The following ANK1 variants were observed in gnomAD, a reference collection of about 807,000 sequenced individuals.
ANK1 encodes ankyrin 1.
Under a neutral mutation model 210.4 loss-of-function variants are expected in ANK1, and 51 were observed. The ratio of observed to expected loss-of-function variants is 0.24; its 90% CI spans 0.19 to 0.31. ANK1 has a LOEUF of 0.31. ANK1 is among the 10% of genes least tolerant of loss of function. The pLI is 1.00. For synonymous variants in ANK1, 967 were observed against 1,025.9 expected (o/e 0.94, Z 1.10); for missense variants, 2,051 against 2,504.4 (o/e 0.82, Z 3.86).
chr8:41,675,316 C>G (rs139183594), intron 37 of ANK1, among the ~76,000 whole-genome samples: 1 of 152,130 alleles, frequency 6.6e-6, no homozygotes, highest in African/African-American at 2.4e-5. Flanking sequence ...AGGCTGGTCT[C>G]GAACTGCTGA....
intron 34 of ANK1, 24 bp downstream of exon 34, chr8:41,688,487 T>C (rs1232682979): frequency 1.9e-6 from 3 of 1,610,582 alleles, no homozygotes; most frequent in Admixed American, 1.7e-5. Context: ...GGAGCAAGCA[T>C]GCATCATCAC....
intron 33 of ANK1, 143 bp downstream of exon 33, chr8:41,690,084 G>C (rs976513024): frequency 7.4e-7 from 1 of 1,352,684 alleles, no homozygotes; most frequent in African/African-American, 1.4e-5. Context: ...GTGGAGGAGA[G>C]CTCAGCACCT....
At chr8:41,715,157 C>T in intron 14 of ANK1, 83 bp from the exon 15 acceptor site, 3 of 1,287,254 alleles carry the variant, frequency 2.3e-6, no homozygotes, top group Non-Finnish European at 3.4e-6. Flanking sequence ...GGAGGCTGCA[C>T]CTCCGCTGGC....
intron 1 of ANK1, among the ~76,000 whole-genome samples, chr8:41,864,459 A>G (rs1813937124): frequency 6.6e-6 from 1 of 151,996 alleles, no homozygotes; most frequent in African/African-American, 2.4e-5. Context: ...CCACCACGAG[A>G]GCTGCTGGCC....
At chr8:41,691,777 A>G (rs1819336890) in intron 31 of ANK1, among the ~76,000 whole-genome samples, 1 of 152,228 alleles carries the variant, frequency 6.6e-6, no homozygotes, top group Non-Finnish European at 1.5e-5. Flanking sequence ...TCTCAGCCTC[A>G]GTTTCTTAAT....
upstream of ANK1, among the ~76,000 whole-genome samples, chr8:41,801,430 A>G (rs1849844673): frequency 6.6e-6 from 1 of 152,224 alleles, no homozygotes; most frequent in African/African-American, 2.4e-5. Context: ...CTTCAATCTT[A>G]TTAGATAACA....
intron 1 of ANK1, among the ~76,000 whole-genome samples, chr8:41,760,358 G>C (rs1193628420): frequency 6.6e-6 from 1 of 152,056 alleles, no homozygotes; most frequent in Non-Finnish European, 1.5e-5. Context: ...AAAAAGAAGA[G>C]ACCCCCCTGC....
chr8:41,664,226 C>A (rs753884192), intron 39 of ANK1: 72 of 454,712 alleles, frequency 1.6e-4, no homozygotes, highest in Non-Finnish European at 2.9e-4. Context: ...TATCCCAGCA[C>A]TTTGGGAGGC....
chr8:41,663,927 C>T (rs1301277790), intron 39 of ANK1, 185 bp from the exon 40 acceptor site: 1 of 671,686 alleles, frequency 1.5e-6, no homozygotes, highest in Non-Finnish European at 2.7e-6. Context: ...GGCGGCGCCC[C>T]TGAGGGTCTG....
chr8:41,723,430 G>T, intron 8 of ANK1, 105 bp downstream of exon 8: 3 of 1,359,774 alleles, frequency 2.2e-6, no homozygotes, highest in Non-Finnish European at 3.1e-6. Flanking sequence ...CGGGAGGCTG[G>T]TGGTGCATCC....
At chr8:41,887,996 T>G (rs1309276376) in intron 1 of ANK1, among the ~76,000 whole-genome samples, 2 of 152,170 alleles carry the variant, frequency 1.3e-5, no homozygotes. Context: ...GTCAGCTTGG[T>G]CATGTGTGTG....
At chr8:41,680,302 C>T (rs1412201733) in intron 37 of ANK1, among the ~76,000 whole-genome samples, 5 of 152,138 alleles carry the variant, frequency 3.3e-5, no homozygotes, top group Non-Finnish European at 5.9e-5. Context: ...GTGGCTCATG[C>T]CTATAATCCC....
intron 4 of ANK1, 23 bp downstream of exon 4, chr8:41,727,885 A>G: frequency 1.2e-6 from 2 of 1,608,900 alleles, no homozygotes; most frequent in Non-Finnish European, 1.7e-6. Flanking sequence ...AACACCCTCT[A>G]GTCCAGACCA....
intron 1 of ANK1, among the ~76,000 whole-genome samples, chr8:41,895,028 T>C (rs1373821284): frequency 6.6e-6 from 1 of 152,084 alleles, no homozygotes; most frequent in Non-Finnish European, 1.5e-5. Context: ...CTAGAGAGTG[T>C]TGGTTACTTC....
At chr8:41,728,335 T>C (rs1024325573) in intron 3 of ANK1, among the ~76,000 whole-genome samples, 1 of 152,220 alleles carries the variant, frequency 6.6e-6, no homozygotes, top group Non-Finnish European at 1.5e-5. Flanking sequence ...AGTCAAATAC[T>C]GCATGTTCTC....
rs145591131 is a variant in ANK1 at position 41,808,422 on chromosome 8, T to C, written c.127-50285A>G. On this transcript the variant is annotated intron_variant, in intron 1 of 42. Transcript: ENST00000265709. ...CCTCAAGCCTGTAATCCCAGCACTTTGGGAGGTCGAAGCGGGTGGATCACT... is the reference window on the plus strand; with the variant it reads ...CCTCAAGCCTGTAATCCCAGCACTTCGGGAGGTCGAAGCGGGTGGATCACT... 2.2e-3 allele frequency among the ~76,000 whole-genome samples: 329 copies of C among 152,264 alleles called. 2 individuals carry two copies. Among genetic ancestry groups the C allele is most frequent in the African/African-American group, 7.4e-3 (309 of 41,552 alleles).
chr8:41,867,294 G>C (rs775603685), intron 1 of ANK1, among the ~76,000 whole-genome samples: 12 of 152,180 alleles, frequency 7.9e-5, no homozygotes, highest in Non-Finnish European at 1.3e-4. Context: ...GTGAAACTGA[G>C]AGGCGGATGC....
At chr8:41,837,511 C>T (rs1020910510) in intron 1 of ANK1, among the ~76,000 whole-genome samples, 1 of 152,086 alleles carries the variant, frequency 6.6e-6, no homozygotes, top group East Asian at 1.9e-4. Context: ...GGGATATTTG[C>T]GAAAATTAAA....
intron 1 of ANK1, among the ~76,000 whole-genome samples, chr8:41,802,999 A>AAGAAAG (rs1554630774): frequency 4.1e-5 from 2 of 49,122 alleles, no homozygotes; most frequent in African/African-American, 2.3e-4. Context: ...GAAAGAGAGA[A>AAGAAAG]AGAAAGAAAG....
Sources: gnomAD v4.1 joint callset for allele counts (sites outside exome capture counted in the v4.1 genomes callset) on GRCh38, gnomAD v4.1.1 for gene constraint, MANE v1.5 for transcripts, NCBI Gene and HGNC (gene_info 2026-07-23, HGNC 2026-07-21) for gene names.